WWOX: variants seen among roughly 807,000 people sequenced by gnomAD.
WWOX encodes the protein WW domain-containing oxidoreductase.
In WWOX, 69 loss-of-function variants were observed where a neutral mutation model predicts 46.2. The observed-to-expected ratio is 1.49, with a 90% CI of 1.23 to 1.82. WWOX has a LOEUF of 1.82. WWOX is among the 40% of genes most tolerant of loss of function. The pLI, the probability that WWOX is intolerant of heterozygous loss-of-function variation, is 0.00. For synonymous variants in WWOX, 359 were observed against 202.6 expected, an observed-to-expected ratio of 1.77 and a Z score of -6.56; for missense variants, 919 against 542.6, an observed-to-expected ratio of 1.69 and a Z score of -6.89.
chr16:78,915,228 AC>A (rs2045219828), intron 8 of WWOX, among the ~76,000 whole-genome samples: 1 of 152,150 alleles, frequency 6.6e-6, no homozygotes, highest in Non-Finnish European at 1.5e-5. Context: ...TTTGGGTTGT[AC>A]CGATTAAGAG....
At chr16:78,207,667 A>G (rs1244663100) in intron 5 of WWOX, among the ~76,000 whole-genome samples, 1 of 151,488 alleles carries the variant, frequency 6.6e-6, no homozygotes, top group Admixed American at 6.6e-5. Context: ...ATCCGGTAAC[A>G]GGATAACAGT....
chr16:78,697,739 G>C (rs1489654373), intron 8 of WWOX, among the ~76,000 whole-genome samples: 1 of 152,152 alleles, frequency 6.6e-6, no homozygotes, highest in Non-Finnish European at 1.5e-5. Flanking sequence ...ATGTTGAGTA[G>C]GTTAGGTGTG....
intron 8 of WWOX, among the ~76,000 whole-genome samples, chr16:79,195,407 C>T (rs1018208473): frequency 6.6e-6 from 1 of 152,144 alleles, no homozygotes. Context: ...TTGATGTGGG[C>T]TCCCTCCTGG....
intron 8 of WWOX, among the ~76,000 whole-genome samples, chr16:78,818,583 C>T (rs564753968): frequency 5.9e-5 from 9 of 152,230 alleles, no homozygotes; most frequent in South Asian, 4.2e-4. Context: ...GTTTAAAAAT[C>T]GGCTGGGCAT....
intron 8 of WWOX, among the ~76,000 whole-genome samples, chr16:78,593,736 A>AG (rs1555570385): frequency 1.4e-5 from 2 of 145,142 alleles, no homozygotes; most frequent in African/African-American, 5.2e-5. Context: ...TAAAAAAAAA[A>AG]AGAGAGAGAG....
rs1395959208 is a variant in WWOX at position 78,527,965 on chromosome 16, G to T, written c.1056+95213G>T. 2.8e-5 allele frequency among the ~76,000 whole-genome samples: 4 copies of T among 144,182 alleles called. No individual in the cohort carries two copies. In the South Asian group the frequency reaches 9.0e-4, roughly 32 times the overall value. The allele number at this position is 144,182 out of a possible 152,430, so 94.6% of individuals were successfully genotyped here. Reference sequence around the variant, plus strand: ...TGCCATTGTGCAAAGATTCAAGGTGGCTATGTCACAGGACTGGTACATGTC... The same window carrying T: ...TGCCATTGTGCAAAGATTCAAGGTGTCTATGTCACAGGACTGGTACATGTC... On this transcript the variant is annotated intron_variant, in intron 8 of 8. Coordinates refer to ENST00000566780, the MANE Select transcript of WWOX (RefSeq NM_016373.4).
chr16:78,569,622 C>T (rs939746509), intron 8 of WWOX, among the ~76,000 whole-genome samples: 1 of 152,212 alleles, frequency 6.6e-6, no homozygotes, highest in Non-Finnish European at 1.5e-5. Context: ...CTTCTCAATA[C>T]TACACTGATT....
At chr16:78,559,673 T>A (rs550809323) in intron 8 of WWOX, among the ~76,000 whole-genome samples, 1 of 152,338 alleles carries the variant, frequency 6.6e-6, no homozygotes, top group Non-Finnish European at 1.5e-5. Flanking sequence ...GGATTTTCTT[T>A]TCTTTTTCTT....
chr16:78,804,029 T>A (rs1165202870), intron 8 of WWOX, among the ~76,000 whole-genome samples: 1 of 152,114 alleles, frequency 6.6e-6, no homozygotes, highest in Non-Finnish European at 1.5e-5. Context: ...CCCATCACTA[T>A]GAGATGGAAA....
intron 8 of WWOX, among the ~76,000 whole-genome samples, chr16:79,066,543 T>C (rs2048445103): frequency 6.6e-6 from 1 of 152,162 alleles, no homozygotes; most frequent in African/African-American, 2.4e-5. Flanking sequence ...GAGGGAATAA[T>C]TTCCAGGAAG....
intron 5 of WWOX, among the ~76,000 whole-genome samples, chr16:78,366,981 T>G: frequency 6.9e-6 from 1 of 144,140 alleles, no homozygotes; most frequent in African/African-American, 2.6e-5. Context: ...TTTTTTTTTT[T>G]TTTTTTTTTT....
chr16:78,701,625 C>G lies in WWOX; in HGVS notation c.1056+268873C>G, dbSNP rs1180841374. On this transcript the variant is annotated intron_variant, in intron 8 of 8. Transcript: ENST00000566780. ...TCCACCCACCTGCCTCCCCCACACTCCTTCTTTCCCTCTCCTCTGCAGGGA... is the reference window on the plus strand; with the variant it reads ...TCCACCCACCTGCCTCCCCCACACTGCTTCTTTCCCTCTCCTCTGCAGGGA... 2.0e-5 allele frequency among the ~76,000 whole-genome samples: 3 copies of G among 152,216 alleles called. No individual in the cohort carries two copies. In the East Asian group the frequency reaches 5.8e-4, roughly 30 times the overall value.
intron 8 of WWOX, among the ~76,000 whole-genome samples, chr16:78,873,860 G>A (rs2044178614): frequency 2.0e-5 from 3 of 152,136 alleles, no homozygotes; most frequent in African/African-American, 7.2e-5. Context: ...CATGTGCTTA[G>A]TCCCTGGGAG....
intron 8 of WWOX, among the ~76,000 whole-genome samples, chr16:79,034,309 A>G (rs549692159): frequency 1.3e-4 from 20 of 152,352 alleles, no homozygotes; most frequent in East Asian, 3.9e-4. Flanking sequence ...AGTAATGTCA[A>G]TAACTTTCCT....
At chr16:78,611,861 A>G (rs564038192) in intron 8 of WWOX, among the ~76,000 whole-genome samples, 37 of 152,238 alleles carry the variant, frequency 2.4e-4, no homozygotes, top group Non-Finnish European at 4.6e-4. Context: ...TCTACTTTGG[A>G]AGGGGCGTGG....
In WWOX at chr16:78,153,909, C is replaced by G. The variant is rs533455217; in HGVS notation, c.410-10274C>G. Among the ~76,000 whole-genome samples, 788 of 152,284 alleles carry G rather than the reference C, an allele frequency of 5.2e-3. 8 individuals are homozygous for G. Among genetic ancestry groups the G allele is most frequent in the African/African-American group, 0.018 (747 of 41,558 alleles). On this transcript the variant is annotated intron_variant, in intron 4 of 8. Transcript: ENST00000566780. ...AAGCTGCCTTTTTCTTAGCTCCTACCTCTGTGGGAGCTTTGTCAGTATTTG... is the reference window on the plus strand; with the variant it reads ...AAGCTGCCTTTTTCTTAGCTCCTACGTCTGTGGGAGCTTTGTCAGTATTTG...
chr16:78,860,961 G>A (rs1597734305), intron 8 of WWOX, among the ~76,000 whole-genome samples: 1 of 152,056 alleles, frequency 6.6e-6, no homozygotes, highest in Admixed American at 6.6e-5. Context: ...GACTACAGGC[G>A]CATGCCGTAA....
chr16:78,432,962 G>T (rs959845575), intron 8 of WWOX, among the ~76,000 whole-genome samples: 1 of 152,202 alleles, frequency 6.6e-6, no homozygotes, highest in East Asian at 1.9e-4. Flanking sequence ...GGTAGAAGAT[G>T]TGGGTTTCAG....
rs570635821 is a variant in WWOX at position 78,777,242 on chromosome 16, G to T, written c.1056+344490G>T. Among the ~76,000 whole-genome samples, 113 of 152,118 alleles carry T rather than the reference G, an allele frequency of 7.4e-4. 3 individuals are homozygous for T. The South Asian group carries it at 0.023, about 31-fold the overall frequency. Reference sequence around the variant, plus strand: ...TCTCTTCCTTCCTACTTAGAAGACAGTGACATTTCCTCTGTGCCTCTCAGG... The same window carrying T: ...TCTCTTCCTTCCTACTTAGAAGACATTGACATTTCCTCTGTGCCTCTCAGG... On this transcript the variant is annotated intron_variant, in intron 8 of 8. Coordinates refer to ENST00000566780, the MANE Select transcript of WWOX (RefSeq NM_016373.4).
Sources: gnomAD v4.1 joint callset for allele counts (sites outside exome capture counted in the v4.1 genomes callset) on GRCh38, gnomAD v4.1.1 for gene constraint, MANE v1.5 for transcripts, NCBI Gene and HGNC (gene_info 2026-07-23, HGNC 2026-07-21) for gene names.